Variants in HIPK1 observed in about 807,000 individuals in gnomAD.
The protein encoded by HIPK1 is homeodomain-interacting protein kinase 1.
A neutral mutation model predicts 117.1 loss-of-function variants in HIPK1; 28 were observed. The observed-to-expected ratio is 0.24, with a 90% CI of 0.18 to 0.33. HIPK1 has a LOEUF of 0.33. HIPK1 is among the 10% of genes least tolerant of loss of function. The probability of loss-of-function intolerance (pLI) is 1.00; values close to 1 mark genes in which losing one functional copy is unlikely to be tolerated. For missense variants in HIPK1, 1,122 were observed against 1,475.1 expected (o/e 0.76, Z 3.92); for synonymous variants, 605 against 562.5 (o/e 1.08, Z -1.07).
intron 1 of HIPK1, among the ~76,000 whole-genome samples, chr1:113,937,594 T>G (rs540493197): frequency 3.5e-4 from 54 of 152,266 alleles, no homozygotes; most frequent in Admixed American, 8.5e-4. Flanking sequence ...TAATTGAGTA[T>G]GTATATATTG....
At position 113,967,779 on chromosome 1, in the gene HIPK1, C is replaced by T. The variant is rs1672550277; in HGVS notation, c.2395C>T (p.His799Tyr). The T allele has an allele frequency of 6.5e-7, 1 of 1,534,986 alleles. No homozygotes were observed. Among genetic ancestry groups the T allele is most frequent in the Non-Finnish European group, 8.7e-7 (1 of 1,144,176 alleles). The change falls in exon 12 of 16, where the codon CAT (histidine) becomes TAT (tyrosine). Residue 799 changes from histidine (H) to tyrosine (Y), a missense_variant. His to Tyr is a moderately conservative substitution (Grantham distance 83, BLOSUM62 2). Around this residue, in one of 6 missense-constraint regions of HIPK1, gnomAD observed 731 missense variants for 860.4 expected, o/e 0.85. Transcript: ENST00000426820. ...CTGTTGGTACAGGAATGCCCACTCT[C>T]ATGGCAACCAGTACAGCACTATCAT... ...QLADWRNAHS[H>Y]GNQYSTIMQQ... is the part of the protein sequence containing the mutation.
Position 113,963,468 on chromosome 1 carries a change from C to G in HIPK1, c.2185C>G (p.Leu729Val). ...ITPQYAVPFT[L>V]SCAAGRPALV... ...ACCGCAGTATGCGGTGCCCTTTACTCTGAGCTGCGCAGCCGGCCGGCCGGC... is the reference window on the plus strand; with the variant it reads ...ACCGCAGTATGCGGTGCCCTTTACTGTGAGCTGCGCAGCCGGCCGGCCGGC... The change falls in exon 10 of 16, where the codon CTG (leucine) becomes GTG (valine). Residue 729 changes from leucine to valine, a missense_variant. Around this residue, in one of 6 missense-constraint regions of HIPK1, gnomAD observed 731 missense variants for 860.4 expected, o/e 0.85. Coordinates refer to ENST00000426820, the MANE Select transcript of HIPK1 (RefSeq NM_198268.3). 6.2e-7 allele frequency: 1 copy of G among 1,614,230 alleles called. No individual in the cohort carries two copies.
chr1:113,934,851 G>A (rs1182131233), intron 1 of HIPK1, among the ~76,000 whole-genome samples: 7 of 148,888 alleles, frequency 4.7e-5, no homozygotes, highest in African/African-American at 7.4e-5. Flanking sequence ...TTAGCCAAGC[G>A]TCCTGGTGTG....
chr1:113,931,916 C>CT (rs1052152981), intron 1 of HIPK1, among the ~76,000 whole-genome samples: 2 of 152,162 alleles, frequency 1.3e-5, no homozygotes, highest in African/African-American at 4.8e-5. Flanking sequence ...TTTTTTAGGT[C>CT]TTTTTAAAAA....
intron 1 of HIPK1, among the ~76,000 whole-genome samples, chr1:113,931,227 A>G (rs1669876452): frequency 7.0e-6 from 1 of 142,926 alleles, no homozygotes; most frequent in Non-Finnish European, 1.5e-5. Flanking sequence ...CTTTTTTCAT[A>G]TGGAAGCCTA....
At chr1:113,943,813 ATTGT>A (rs1391216131) in intron 2 of HIPK1, among the ~76,000 whole-genome samples, 1 of 151,972 alleles carries the variant, frequency 6.6e-6, no homozygotes, top group African/African-American at 2.4e-5. Flanking sequence ...ATTTAAAAAT[ATTGT>A]TTGTTTATTT....
rs751441889 is a variant in HIPK1 at position 113,970,238 on chromosome 1, A to G, written c.3013+41A>G. 2 of 1,607,832 alleles carry G rather than the reference A, an allele frequency of 1.2e-6. 1 individual carries two copies. The highest frequency in any genetic ancestry group is 2.2e-5 in the South Asian group (2 of 90,874). Reference sequence around the variant, plus strand: ...ACAGCTTGAGTTGAATTCTCCTTTGATGTGTGAATGCTTAAATATTTTGCC... The same window carrying G: ...ACAGCTTGAGTTGAATTCTCCTTTGGTGTGTGAATGCTTAAATATTTTGCC... On this transcript the variant is annotated intron_variant, in intron 14 of 15. Transcript: ENST00000426820.
intron 7 of HIPK1, among the ~76,000 whole-genome samples, 174 bp from the exon 8 acceptor site, chr1:113,957,892 A>G (rs1671831262): frequency 6.6e-6 from 1 of 151,948 alleles, no homozygotes; most frequent in South Asian, 2.1e-4. Flanking sequence ...ACCATATAAT[A>G]TGCCTTCAAT....
rs1474085391 is a variant in HIPK1 at position 113,942,760 on chromosome 1, GC to G, written c.1076+1302del. On this transcript the variant is annotated intron_variant, in intron 2 of 15. Coordinates refer to ENST00000426820, the MANE Select transcript of HIPK1 (RefSeq NM_198268.3). ...CAATTTTGTCTGTACCATAACCAAGGCTTTTAAAATGTGCTTTTTATCAGCA... is the reference window on the plus strand; with the variant it reads ...CAATTTTGTCTGTACCATAACCAAGGTTTTAAAATGTGCTTTTTATCAGCA... Among the ~76,000 whole-genome samples the G allele has an allele frequency of 2.0e-5, 3 of 152,128 alleles. No homozygotes were observed. In the South Asian group the frequency reaches 6.2e-4, roughly 32 times the overall value.
In HIPK1 at chr1:113,941,570, A is replaced by G. The variant is rs1271025804; in HGVS notation, c.1076+111A>G. 24 of 826,430 alleles carry G rather than the reference A, an allele frequency of 2.9e-5. No homozygotes were observed. In the East Asian group the frequency reaches 5.9e-4, roughly 20 times the overall value. 51.2% of individuals were successfully genotyped at this position (826,430 alleles called of 1,614,324 possible). A position where few individuals can be genotyped will look rare whatever the true frequency, so the allele number is the denominator to read the frequency against. On this transcript the variant is annotated intron_variant, in intron 2 of 15. Transcript: ENST00000426820. The surrounding 1 kb of genome is among the most constrained non-coding windows in gnomAD (Gnocchi z 4.9). ...TGAATTTGTTTATAGATTCTGAGAT[A>G]GAAATAGGATATGTTTTAGCTCATT... is the stretch of plus-strand genomic sequence containing the variant.
At chr1:113,934,989 C>CAAA (rs752015521) in intron 1 of HIPK1, among the ~76,000 whole-genome samples, 3 of 67,760 alleles carry the variant, frequency 4.4e-5, no homozygotes, top group African/African-American at 5.7e-5. Flanking sequence ...GAACCTGTCT[C>CAAA]AAAAAAAAAA....
chr1:113,938,927 A>ATAC (rs60152674), intron 1 of HIPK1, among the ~76,000 whole-genome samples: 1 of 118,454 alleles, frequency 8.4e-6, no homozygotes, highest in African/African-American at 3.3e-5. Flanking sequence ...AAAAAAAAAA[A>ATAC]ATACACACAC....
intron 15 of HIPK1, chr1:113,972,189 G>A (rs1386445035): frequency 2.5e-6 from 3 of 1,208,696 alleles, no homozygotes; most frequent in Non-Finnish European, 3.4e-6. Flanking sequence ...AGTCTACCCT[G>A]GAAGGTTAGA....
rs768426926 is a variant in HIPK1, at chr1:113,940,580, A to C, written c.197A>C (p.Asn66Thr). Residue 66 changes from asparagine to threonine, a missense_variant, in exon 2 of 16, where the codon AAC (asparagine) becomes ACC (threonine). Physicochemically the swap from Asn to Thr is moderately conservative, Grantham distance 65 (BLOSUM62 0). Around this residue, in one of 6 missense-constraint regions of HIPK1, gnomAD observed 192 missense variants for 234.0 expected, o/e 0.82. Transcript: ENST00000426820. ...ANSSHQVANFNIPAYDQGLLL... is the reference protein window; with the variant it reads ...ANSSHQVANFTIPAYDQGLLL... ...TCCTCTCACCAGGTAGCAAATTTCAACATCCCTGCTTACGACCAGGGCCTC... is the reference window on the plus strand; with the variant it reads ...TCCTCTCACCAGGTAGCAAATTTCACCATCCCTGCTTACGACCAGGGCCTC... 1.2e-6 allele frequency: 2 copies of C among 1,614,138 alleles called. No individual in the cohort carries two copies. The highest frequency in any genetic ancestry group is 1.7e-6 in the Non-Finnish European group (2 of 1,180,022).
chr1:113,966,238 G>T lies in HIPK1; in HGVS notation c.2347G>T (p.Ala783Ser). ...CCAGCCCACAGCAATGATTCCAGAG[G>T]CCATGGGGAGTGGACAGCAGCTAGC... Reference protein sequence around the residue: ...SVQPTAMIPEAMGSGQQLADW... With the variant: ...SVQPTAMIPESMGSGQQLADW... Residue 783 changes from alanine to serine, a missense_variant, in exon 11 of 16, where the codon GCC becomes TCC. Around this residue, in one of 6 missense-constraint regions of HIPK1, gnomAD observed 731 missense variants for 860.4 expected, o/e 0.85. Transcript: ENST00000426820. 1 of 1,613,892 alleles carries T rather than the reference G, an allele frequency of 6.2e-7. No individual in the cohort carries two copies. Among genetic ancestry groups the T allele is most frequent in the East Asian group, 2.2e-5 (1 of 44,852 alleles).
At chr1:113,933,162 A>T (rs969016162) in intron 1 of HIPK1, 1 of 984,680 alleles carries the variant, frequency 1.0e-6, no homozygotes, top group Non-Finnish European at 1.2e-6. Flanking sequence ...AATCTAAGTG[A>T]ACTATTGATT....
At chr1:113,964,230 GAATT>G (rs1200764501) in intron 10 of HIPK1, among the ~76,000 whole-genome samples, 2 of 152,116 alleles carry the variant, frequency 1.3e-5, no homozygotes, top group South Asian at 2.1e-4. Context: ...GTTTTGGGAG[GAATT>G]AATTATTTTA....
intron 2 of HIPK1, among the ~76,000 whole-genome samples, chr1:113,944,972 C>T (rs1014484457): frequency 9.9e-5 from 15 of 152,250 alleles, no homozygotes; most frequent in Admixed American, 3.3e-4. Context: ...CTTAGCCTTT[C>T]GGGTACCTGA....
At chr1:113,944,238 C>A (rs1670844108) in intron 2 of HIPK1, among the ~76,000 whole-genome samples, 1 of 118,310 alleles carries the variant, frequency 8.5e-6, no homozygotes, top group Non-Finnish European at 1.6e-5. Flanking sequence ...GTGGTGCGAT[C>A]TCGGCTCACT....
Sources: gnomAD v4.1 joint callset for allele counts (sites outside exome capture counted in the v4.1 genomes callset) on GRCh38, gnomAD v4.1.1 for gene constraint, gnomAD v4.1.1 regional missense constraint, Gnocchi (gnomAD v3.1) non-coding constraint, MANE v1.5 for transcripts, NCBI Gene and HGNC (gene_info 2026-07-23, HGNC 2026-07-21) for gene names.